KIAA1217: variants seen among roughly 807,000 people sequenced by gnomAD.
The protein encoded by KIAA1217 is KIAA1217, also known as sickle tail protein homolog.
A neutral mutation model predicts 163.9 loss-of-function variants in KIAA1217; 88 were observed. The observed-to-expected ratio is 0.54, with a 90% CI of 0.45 to 0.64. The LOEUF (loss-of-function observed/expected upper bound fraction) is 0.64, where lower values mean the gene tolerates loss of function less well. KIAA1217 is among the 30% of genes least tolerant of loss of function. The probability of loss-of-function intolerance (pLI) is 0.00; values close to 1 mark genes in which losing one functional copy is unlikely to be tolerated. For missense variants in KIAA1217, 2,372 were observed against 2,475.0 expected, an observed-to-expected ratio of 0.96 and a Z score of 0.88; for synonymous variants, 903 against 923.1, an observed-to-expected ratio of 0.98 and a Z score of 0.39.
At chr10:24,478,798 T>C (rs2064321596) in intron 6 of KIAA1217, among the ~76,000 whole-genome samples, 1 of 152,226 alleles carries the variant, frequency 6.6e-6, no homozygotes, top group South Asian at 2.1e-4. Flanking sequence ...TGTAAAATTC[T>C]GGGACATTTA....
At chr10:24,479,347 G>A (rs934498537) in intron 6 of KIAA1217, among the ~76,000 whole-genome samples, 4 of 151,864 alleles carry the variant, frequency 2.6e-5, no homozygotes, top group South Asian at 4.2e-4. Context: ...TGTTCACTGC[G>A]ACTGGAAGAC....
chr10:24,260,256 T>C (rs111772836), intron 2 of KIAA1217, among the ~76,000 whole-genome samples: 1 of 152,018 alleles, frequency 6.6e-6, no homozygotes, highest in Admixed American at 6.6e-5. Context: ...CGGGAATGAG[T>C]GGCTCTGCTT....
At chr10:24,496,635 C>T (rs561388973) in intron 8 of KIAA1217, among the ~76,000 whole-genome samples, 59 of 152,234 alleles carry the variant, frequency 3.9e-4, no homozygotes, top group African/African-American at 1.0e-3. Context: ...AACTCCTTAC[C>T]GCAGCATCTA....
intron 2 of KIAA1217, among the ~76,000 whole-genome samples, chr10:24,200,362 G>C (rs1209959963): frequency 2.6e-5 from 4 of 151,956 alleles, no homozygotes; most frequent in Non-Finnish European, 5.9e-5. Flanking sequence ...TGTGTTGCCT[G>C]GGCTGGCCTC....
rs1254040094 is a variant in KIAA1217, at chr10:23,891,356, A to G, written c.-320-115869A>G. Among the ~76,000 whole-genome samples, 4 of 152,032 alleles carry G rather than the reference A, an allele frequency of 2.6e-5. No homozygotes were observed. In the East Asian group the frequency reaches 7.8e-4, roughly 30 times the overall value. On this transcript the variant is annotated intron_variant, in intron 1 of 18. Transcript: ENST00000376462. ...GAGACAGGATCTCACCTGGTTGCCC[A>G]GGCTGGAATTCAGTGGTATAAGATC...
chr10:24,526,422 A>G (rs922974443), intron 13 of KIAA1217, among the ~76,000 whole-genome samples: 2 of 152,154 alleles, frequency 1.3e-5, no homozygotes, highest in Non-Finnish European at 2.9e-5. Context: ...ATTTCCTCCT[A>G]AGAATTGGCA....
chr10:24,234,215 T>G (rs939992209), intron 2 of KIAA1217, among the ~76,000 whole-genome samples: 1 of 152,086 alleles, frequency 6.6e-6, no homozygotes, highest in African/African-American at 2.4e-5. Context: ...AGATTTTGGA[T>G]TTTTGGATTA....
intron 1 of KIAA1217, among the ~76,000 whole-genome samples, chr10:23,706,450 C>T (rs1251804111): frequency 6.6e-6 from 1 of 152,096 alleles, no homozygotes; most frequent in East Asian, 1.9e-4. Flanking sequence ...TTCTCTTTCT[C>T]TTCCTACTTT....
intron 2 of KIAA1217, among the ~76,000 whole-genome samples, chr10:24,019,673 C>T (rs527536956): frequency 1.3e-4 from 19 of 151,836 alleles, no homozygotes; most frequent in African/African-American, 3.6e-4. Context: ...TAAATGAGCC[C>T]GGCTACATTC....
At chr10:23,748,717 G>A (rs547709478) in intron 1 of KIAA1217, among the ~76,000 whole-genome samples, 38 of 152,048 alleles carry the variant, frequency 2.5e-4, no homozygotes, top group Non-Finnish European at 3.8e-4. Flanking sequence ...GCCTTTTACA[G>A]GTAACGTTTC....
chr10:24,060,803 G>T (rs2060694351), intron 2 of KIAA1217, among the ~76,000 whole-genome samples: 1 of 152,072 alleles, frequency 6.6e-6, no homozygotes, highest in African/African-American at 2.4e-5. Flanking sequence ...CACAGCTTCG[G>T]TGAGAGAGTG....
rs114180996 is a variant in KIAA1217 at position 24,518,728 on chromosome 10, A to G, written c.2178-1395A>G. 6.7e-3 allele frequency among the ~76,000 whole-genome samples: 1,013 copies of G among 152,248 alleles called. 9 individuals carry two copies. Among genetic ancestry groups the G allele is most frequent in the African/African-American group, 0.023 (939 of 41,530 alleles). ...TAGAGCCCTTCAGTGAGGTGGCACAATCTCTTCGTGTCAAGAATCCAATAG... is the reference window on the plus strand; with the variant it reads ...TAGAGCCCTTCAGTGAGGTGGCACAGTCTCTTCGTGTCAAGAATCCAATAG... On this transcript the variant is annotated intron_variant, in intron 10 of 20. Coordinates refer to ENST00000376454, the MANE Select transcript of KIAA1217 (RefSeq NM_019590.5).
intron 2 of KIAA1217, among the ~76,000 whole-genome samples, chr10:24,177,757 T>A (rs2131939531): frequency 6.6e-6 from 1 of 152,232 alleles, no homozygotes; most frequent in African/African-American, 2.4e-5. Context: ...CTAGCTTCAC[T>A]TGATTTCCAG....
intron 2 of KIAA1217, among the ~76,000 whole-genome samples, chr10:24,290,838 G>T (rs1413972145): frequency 6.6e-6 from 1 of 152,004 alleles, no homozygotes; most frequent in Non-Finnish European, 1.5e-5. Flanking sequence ...CTGACCTCAG[G>T]TGCTCCACCT....
In KIAA1217 at chr10:23,789,896, G is replaced by A. The variant is rs1369031296; in HGVS notation, c.-321+94662G>A. 1.4e-4 allele frequency among the ~76,000 whole-genome samples: 21 copies of A among 146,426 alleles called. 4 individuals are homozygous for A. The Admixed American group carries it at 1.4e-3, about 10-fold the overall frequency. On this transcript the variant is annotated intron_variant, in intron 1 of 18. Transcript: ENST00000376462. The stretch of plus-strand genomic sequence containing the variant: ...CTTCATATATATATATCATATATAT[G>A]ATATATACATATACATATGCATATA...
chr10:24,242,112 A>G (rs1240772355), intron 2 of KIAA1217, among the ~76,000 whole-genome samples: 1 of 151,900 alleles, frequency 6.6e-6, no homozygotes, highest in East Asian at 1.9e-4. Context: ...AAAAGCAAAT[A>G]TTTATTTATT....
intron 1 of KIAA1217, among the ~76,000 whole-genome samples, chr10:23,883,575 C>T (rs928179196): frequency 1.3e-5 from 2 of 151,846 alleles, no homozygotes; most frequent in Non-Finnish European, 2.9e-5. Context: ...CCATTAGCAA[C>T]GTTCTCCACC....
intron 2 of KIAA1217, among the ~76,000 whole-genome samples, chr10:24,079,488 A>G (rs150344886): frequency 1.1e-3 from 162 of 152,336 alleles, no homozygotes; most frequent in African/African-American, 3.7e-3. Context: ...GGATAATGCC[A>G]TCCACCCATT....
chr10:24,399,048 C>T (rs2056207343), intron 3 of KIAA1217, among the ~76,000 whole-genome samples: 1 of 152,214 alleles, frequency 6.6e-6, no homozygotes, highest in Non-Finnish European at 1.5e-5. Flanking sequence ...CCCGCTCATG[C>T]CTGACTAGCT....
Sources: gnomAD v4.1 joint callset for allele counts (sites outside exome capture counted in the v4.1 genomes callset) on GRCh38, gnomAD v4.1.1 for gene constraint, MANE v1.5 for transcripts, NCBI Gene and HGNC (gene_info 2026-07-23, HGNC 2026-07-21) for gene names.